NCOA1: variants seen among roughly 807,000 people sequenced by gnomAD.
The protein encoded by NCOA1 is Hin-2 protein.
In NCOA1, 35 loss-of-function variants were observed where a neutral mutation model predicts 150.9. The observed-to-expected ratio is 0.23, with a 90% CI of 0.18 to 0.31. NCOA1 has a LOEUF of 0.31. Among genes scored for constraint, NCOA1 ranks in the 10% least tolerant of loss-of-function variants. The probability of loss-of-function intolerance (pLI) is 1.00; values close to 1 mark genes in which losing one functional copy is unlikely to be tolerated. For missense variants in NCOA1, 1,491 were observed against 1,749.3 expected, an observed-to-expected ratio of 0.85 and a Z score of 2.63; for synonymous variants, 590 against 630.0, an observed-to-expected ratio of 0.94 and a Z score of 0.95.
chr2:24,721,183 A>G (rs1403571996), intron 14 of NCOA1, among the ~76,000 whole-genome samples: 2 of 152,182 alleles, frequency 1.3e-5, no homozygotes, highest in East Asian at 1.9e-4. Context: ...CATCATAGCT[A>G]TAATTTTAAG....
chr2:24,634,997 G>A (rs1044452425), intron 3 of NCOA1, among the ~76,000 whole-genome samples: 1 of 152,096 alleles, frequency 6.6e-6, no homozygotes, highest in Non-Finnish European at 1.5e-5. Context: ...GATTACAGGT[G>A]TGAGGCACCC....
intron 3 of NCOA1, among the ~76,000 whole-genome samples, chr2:24,615,596 T>A (rs1402009867): frequency 6.6e-6 from 1 of 152,192 alleles, no homozygotes; most frequent in Non-Finnish European, 1.5e-5. Context: ...CAATGCTGAC[T>A]GTCAATGTTG....
At chr2:24,545,803 A>T (rs191301814) in intron 1 of NCOA1, among the ~76,000 whole-genome samples, 229 of 152,130 alleles carry the variant, frequency 1.5e-3, no homozygotes, top group Non-Finnish European at 2.4e-3. Flanking sequence ...TTATTTACTT[A>T]TTTTTTTGAG....
chr2:24,672,134 T>TAA (rs768038487), intron 6 of NCOA1, among the ~76,000 whole-genome samples: 1 of 56,346 alleles, frequency 1.8e-5, no homozygotes, highest in Non-Finnish European at 5.6e-5. Flanking sequence ...TTTATATATA[T>TAA]AACAATATAT....
intron 3 of NCOA1, among the ~76,000 whole-genome samples, chr2:24,612,362 T>C (rs112024561): frequency 8.5e-4 from 130 of 152,340 alleles, no homozygotes; most frequent in African/African-American, 2.9e-3. Flanking sequence ...TGTGATTATA[T>C]TTCTTATTGA....
chr2:24,656,554 C>A (rs1670960731), intron 4 of NCOA1, among the ~76,000 whole-genome samples: 1 of 152,184 alleles, frequency 6.6e-6, no homozygotes, highest in South Asian at 2.1e-4. Flanking sequence ...CTATAGAACA[C>A]TAGAACTAAT....
At chr2:24,580,185 CAGA>C (rs1208515108) in intron 2 of NCOA1, among the ~76,000 whole-genome samples, 3 of 152,180 alleles carry the variant, frequency 2.0e-5, no homozygotes, top group Non-Finnish European at 2.9e-5. Context: ...CTTTAGCTTT[CAGA>C]AGTTTAACTA....
At chr2:24,523,807 T>C (rs1199407894) in intron 1 of NCOA1, among the ~76,000 whole-genome samples, 1 of 149,190 alleles carries the variant, frequency 6.7e-6, no homozygotes, top group Non-Finnish European at 1.5e-5. Context: ...GTGCCTGTAG[T>C]CCCAGCTGCT....
intron 17 of NCOA1, among the ~76,000 whole-genome samples, chr2:24,738,068 T>C (rs1403160999): frequency 6.6e-6 from 1 of 152,066 alleles, no homozygotes; most frequent in Non-Finnish European, 1.5e-5. Context: ...CACAATGCCT[T>C]AGATTTGTCA....
chr2:24,695,447 G>A (rs964501428), intron 10 of NCOA1, among the ~76,000 whole-genome samples: 2 of 152,038 alleles, frequency 1.3e-5, no homozygotes, highest in African/African-American at 4.8e-5. Flanking sequence ...TTTCACTAAA[G>A]CACTATTAAA....
At chr2:24,718,249 G>C (rs985972018) in intron 14 of NCOA1, among the ~76,000 whole-genome samples, 2 of 152,118 alleles carry the variant, frequency 1.3e-5, no homozygotes, top group South Asian at 4.1e-4. Context: ...TAAAACTACA[G>C]TGCAATACCA....
intron 1 of NCOA1, among the ~76,000 whole-genome samples, chr2:24,493,481 G>A (rs1425559038): frequency 1.3e-5 from 2 of 152,058 alleles, no homozygotes; most frequent in African/African-American, 2.4e-5. Context: ...TGAATTTTAC[G>A]TAGCTTACAC....
chr2:24,635,376 G>A (rs1030393843), intron 3 of NCOA1, among the ~76,000 whole-genome samples: 3 of 151,960 alleles, frequency 2.0e-5, no homozygotes, highest in African/African-American at 4.8e-5. Context: ...CCATGAGTTC[G>A]TCAGCATGAG....
intron 2 of NCOA1, among the ~76,000 whole-genome samples, chr2:24,578,773 G>A (rs1356067700): frequency 6.6e-6 from 1 of 151,974 alleles, no homozygotes; most frequent in Non-Finnish European, 1.5e-5. Context: ...TCTTACTCTT[G>A]GGAATTGACC....
chr2:24,514,124 T>TA (rs1444980483), intron 1 of NCOA1, among the ~76,000 whole-genome samples: 1 of 151,200 alleles, frequency 6.6e-6, no homozygotes, highest in African/African-American at 2.4e-5. Flanking sequence ...CTGTCTCTAC[T>TA]AAAAATACAA....
At chr2:24,558,063 T>A (rs768761901) in intron 1 of NCOA1, among the ~76,000 whole-genome samples, 1 of 151,200 alleles carries the variant, frequency 6.6e-6, no homozygotes, top group Non-Finnish European at 1.5e-5. Flanking sequence ...ATTTTTTGTC[T>A]CCATTATTTT....
At chr2:24,493,248 A>C (rs1663057393) in intron 1 of NCOA1, among the ~76,000 whole-genome samples, 1 of 152,176 alleles carries the variant, frequency 6.6e-6, no homozygotes, top group Non-Finnish European at 1.5e-5. Context: ...GGAAAGGTCT[A>C]ATTTGGTTTT....
rs1662797288 is a variant in NCOA1, at chr2:24,728,215, C to T, written c.2718-93C>T. ...GCCAAGCATCTCAACAGTGAATTTT[C>T]TAAGACCAAATTTGCATCTATATAT... On this transcript the variant is annotated intron_variant, in intron 15 of 22. Coordinates refer to ENST00000348332, the MANE Select transcript of NCOA1 (RefSeq NM_003743.5). The T allele has an allele frequency of 6.0e-6, 7 of 1,167,620 alleles. No homozygotes were observed. In the South Asian group the frequency reaches 1.1e-4, roughly 18 times the overall value. 72.3% of individuals were successfully genotyped at this position (1,167,620 alleles called of 1,614,324 possible). A position where few individuals can be genotyped will look rare whatever the true frequency, so the allele number is the denominator to read the frequency against.
At chr2:24,517,991 T>G (rs1231175677) in intron 1 of NCOA1, among the ~76,000 whole-genome samples, 1 of 152,196 alleles carries the variant, frequency 6.6e-6, no homozygotes, top group Non-Finnish European at 1.5e-5. Flanking sequence ...TGTGTAGATA[T>G]TCTTACTATG....
Sources: gnomAD v4.1 joint callset for allele counts (sites outside exome capture counted in the v4.1 genomes callset) on GRCh38, gnomAD v4.1.1 for gene constraint, MANE v1.5 for transcripts, NCBI Gene and HGNC (gene_info 2026-07-23, HGNC 2026-07-21) for gene names.